MPPED2: variants seen among roughly 807,000 people sequenced by gnomAD.
MPPED2 encodes metallophosphoesterase MPPED2.
MPPED2 carries 5 observed loss-of-function variants against 33.0 expected under a neutral mutation model. That is an observed-to-expected ratio of 0.15 (90% CI 0.08 to 0.32). MPPED2 has a LOEUF of 0.32. Among genes scored for constraint, MPPED2 ranks in the 10% least tolerant of loss-of-function variants. The probability of loss-of-function intolerance (pLI) is 1.00; values close to 1 mark genes in which losing one functional copy is unlikely to be tolerated. For synonymous variants in MPPED2, 136 were observed against 141.9 expected, an observed-to-expected ratio of 0.96 and a Z score of 0.29; for missense variants, 275 against 372.1, an observed-to-expected ratio of 0.74 and a Z score of 2.15.
At chr11:30,585,181 A>G (rs1206372929) in intron 1 of MPPED2, among the ~76,000 whole-genome samples, 5 of 152,154 alleles carry the variant, frequency 3.3e-5, no homozygotes, top group African/African-American at 1.2e-4. Context: ...AATAGCAAAG[A>G]AACTCCTGCC....
chr11:30,405,659 A>G (rs1027797669), downstream of MPPED2, among the ~76,000 whole-genome samples: 1 of 152,198 alleles, frequency 6.6e-6, no homozygotes, highest in Non-Finnish European at 1.5e-5. Flanking sequence ...CATTTTCTGT[A>G]TGGTTTCTTA....
At chr11:30,440,883 G>A (rs573918742) in intron 4 of MPPED2, among the ~76,000 whole-genome samples, 21 of 152,352 alleles carry the variant, frequency 1.4e-4, no homozygotes, top group Admixed American at 2.6e-4. Flanking sequence ...GTTTCCCAAA[G>A]TGTGTTCTGT....
At chr11:30,438,872 T>C (rs1274666547) in intron 4 of MPPED2, among the ~76,000 whole-genome samples, 1 of 152,174 alleles carries the variant, frequency 6.6e-6, no homozygotes, top group East Asian at 1.9e-4. Flanking sequence ...TATCATGAAA[T>C]CATATCTTAA....
chr11:30,432,620 T>A lies in MPPED2; in HGVS notation c.537-14987A>T, dbSNP rs564740218. Among the ~76,000 whole-genome samples, 106 of 152,244 alleles carry A rather than the reference T, an allele frequency of 7.0e-4. 1 individual carries two copies. Among genetic ancestry groups the A allele is most frequent in the East Asian group, 1.4e-3 (7 of 5,182 alleles). On this transcript the variant is annotated intron_variant, in intron 4 of 6. Coordinates refer to ENST00000358117, the MANE Select transcript of MPPED2 (RefSeq NM_001584.3). ...CAAAGTAATGACACTAGTTTTTTTT[T>A]AAAAACATACGCCCTAGAATGAATA...
chr11:30,392,069 T>A (rs1342270507), intron 6 of MPPED2, among the ~76,000 whole-genome samples: 1 of 152,224 alleles, frequency 6.6e-6, no homozygotes, highest in East Asian at 1.9e-4. Flanking sequence ...AAGCACCTGG[T>A]GTATGGTAGG....
At chr11:30,527,166 G>A (rs1266581218) in intron 3 of MPPED2, among the ~76,000 whole-genome samples, 1 of 151,878 alleles carries the variant, frequency 6.6e-6, no homozygotes, top group Non-Finnish European at 1.5e-5. Context: ...TCCTGACCTC[G>A]TGATCCGCCC....
At chr11:30,469,573 A>G (rs1418430502) in intron 4 of MPPED2, among the ~76,000 whole-genome samples, 2 of 152,218 alleles carry the variant, frequency 1.3e-5, no homozygotes, top group Non-Finnish European at 2.9e-5. Context: ...GTACATTACT[A>G]TAATGTTAAT....
At chr11:30,540,354 C>T (rs533566361) in intron 2 of MPPED2, among the ~76,000 whole-genome samples, 2 of 152,276 alleles carry the variant, frequency 1.3e-5, no homozygotes, top group East Asian at 3.9e-4. Flanking sequence ...TATTAACATG[C>T]AACACCAAGC....
chr11:30,509,067 A>G (rs1331099848), intron 3 of MPPED2, among the ~76,000 whole-genome samples: 2 of 152,214 alleles, frequency 1.3e-5, no homozygotes, highest in Admixed American at 1.3e-4. Flanking sequence ...TTTAAGTGTT[A>G]TAAGTCCTAT....
At chr11:30,487,000 TTCAC>T (rs962383660) in intron 4 of MPPED2, among the ~76,000 whole-genome samples, 6 of 152,232 alleles carry the variant, frequency 3.9e-5, no homozygotes, top group African/African-American at 1.4e-4. Context: ...ACCACCCTGA[TTCAC>T]TCATTCATTC....
chr11:30,467,682 A>T (rs1306106184), intron 4 of MPPED2, among the ~76,000 whole-genome samples: 4 of 152,204 alleles, frequency 2.6e-5, no homozygotes, highest in Admixed American at 6.5e-5. Flanking sequence ...ATTTAGATTT[A>T]CTTCTACTCT....
chr11:30,481,486 A>G (rs1951484229), intron 4 of MPPED2, among the ~76,000 whole-genome samples: 1 of 152,174 alleles, frequency 6.6e-6, no homozygotes, highest in Admixed American at 6.5e-5. Context: ...CTCTTGAACA[A>G]AAGCATCCAA....
At chr11:30,530,216 G>C (rs1954440211) in intron 3 of MPPED2, among the ~76,000 whole-genome samples, 1 of 152,128 alleles carries the variant, frequency 6.6e-6, no homozygotes. Flanking sequence ...TAAGTTCTTT[G>C]AGAATAAAAG....
intron 4 of MPPED2, among the ~76,000 whole-genome samples, chr11:30,447,084 G>T (rs933993554): frequency 6.6e-6 from 1 of 152,172 alleles, no homozygotes; most frequent in African/African-American, 2.4e-5. Flanking sequence ...TCTATGAACT[G>T]GGCTGCATAA....
At chr11:30,405,563 T>G (rs540052712), downstream of MPPED2, among the ~76,000 whole-genome samples, 5 of 152,232 alleles carry the variant, frequency 3.3e-5, no homozygotes, top group East Asian at 9.7e-4. Context: ...GCAACCCTAA[T>G]TCAGGAAGGA....
intron 2 of MPPED2, among the ~76,000 whole-genome samples, chr11:30,573,866 A>T (rs1331949608): frequency 6.6e-6 from 1 of 152,198 alleles, no homozygotes; most frequent in Non-Finnish European, 1.5e-5. Flanking sequence ...AAGCAAAAAA[A>T]TAAAAATAAA....
chr11:30,544,625 G>T (rs1000430367), intron 2 of MPPED2, among the ~76,000 whole-genome samples: 2 of 152,224 alleles, frequency 1.3e-5, no homozygotes, highest in Non-Finnish European at 2.9e-5. Flanking sequence ...TGTGCTAGTT[G>T]CTGGAGAGAC....
At chr11:30,486,417 G>C (rs1231057375) in intron 4 of MPPED2, among the ~76,000 whole-genome samples, 2 of 152,134 alleles carry the variant, frequency 1.3e-5, no homozygotes, top group Non-Finnish European at 2.9e-5. Flanking sequence ...CTGAGAAAAG[G>C]GAATACTGTA....
At chr11:30,404,635 G>A (rs901050916) in intron 6 of MPPED2, among the ~76,000 whole-genome samples, 10 of 152,148 alleles carry the variant, frequency 6.6e-5, no homozygotes, top group African/African-American at 2.2e-4. Context: ...AGAAACCTGT[G>A]TATTCCAGAC....
Sources: gnomAD v4.1 joint callset for allele counts (sites outside exome capture counted in the v4.1 genomes callset) on GRCh38, gnomAD v4.1.1 for gene constraint, MANE v1.5 for transcripts, NCBI Gene and HGNC (gene_info 2026-07-23, HGNC 2026-07-21) for gene names.